Variants in FBXL17 observed in about 807,000 individuals in gnomAD.
The protein encoded by FBXL17 is F-box/LRR-repeat protein 17.
FBXL17 carries 22 observed loss-of-function variants against 66.2 expected under a neutral mutation model. The ratio of observed to expected loss-of-function variants is 0.33; its 90% confidence interval spans 0.24 to 0.47. The LOEUF is 0.47. Ranked by LOEUF, FBXL17 falls within the 20% of genes least tolerant of loss-of-function variation. The pLI, the probability that FBXL17 is intolerant of heterozygous loss-of-function variation, is 1.00. For missense variants in FBXL17, 878 were observed against 948.2 expected (o/e 0.93, Z 0.97); for synonymous variants, 474 against 400.5 (o/e 1.18, Z -2.19).
At chr5:107,970,496 T>G (rs983915715) in intron 7 of FBXL17, among the ~76,000 whole-genome samples, 2 of 152,322 alleles carry the variant, frequency 1.3e-5, no homozygotes, top group South Asian at 2.1e-4. Flanking sequence ...CTAGTGCGGT[T>G]TTCTTCTATC....
At chr5:108,058,266 T>C (rs1747786929) in intron 6 of FBXL17, among the ~76,000 whole-genome samples, 1 of 152,198 alleles carries the variant, frequency 6.6e-6, no homozygotes, top group South Asian at 2.1e-4. Flanking sequence ...TATATCTAAG[T>C]GGCAGATTTA....
At chr5:107,998,919 T>C (rs1467996420) in intron 7 of FBXL17, among the ~76,000 whole-genome samples, 1 of 152,106 alleles carries the variant, frequency 6.6e-6, no homozygotes, top group Non-Finnish European at 1.5e-5. Flanking sequence ...AAACCCCCTT[T>C]CCACTCTCAT....
At chr5:108,151,717 AT>A (rs1487005529) in intron 6 of FBXL17, among the ~76,000 whole-genome samples, 2 of 152,168 alleles carry the variant, frequency 1.3e-5, no homozygotes, top group Non-Finnish European at 2.9e-5. Flanking sequence ...TGGAAAGGCA[AT>A]TTACATAAGG....
intron 3 of FBXL17, among the ~76,000 whole-genome samples, chr5:108,362,298 T>C (rs550336621): frequency 6.6e-6 from 1 of 152,150 alleles, no homozygotes; most frequent in Non-Finnish European, 1.5e-5. Flanking sequence ...CTGAGCTCCA[T>C]GAGCTGGAGT....
rs1323369433 is a variant in FBXL17 at position 108,381,324 on chromosome 5, G to C, written c.368C>G (p.Ser123Trp). ...AAAARRFLLS[S>W]AAAAAAAAAS... ...GGCAGCGGCGGCGGCGGCGGCGGCC[G>C]AGGATAGCAGGAAGCGGCGGGCAGC... The change falls in exon 1 of 9, where the codon TCG (serine) becomes TGG (tryptophan). Residue 123 changes from serine (S) to tryptophan (W), a missense_variant. Physicochemically the swap from Ser to Trp is radical, Grantham distance 177. Around this residue, in one of 4 missense-constraint regions of FBXL17, gnomAD observed 605 missense variants for 509.5 expected, o/e 1.19. Transcript: ENST00000542267. The C allele has an allele frequency of 1.4e-6, 2 of 1,384,526 alleles. No individual in the cohort carries two copies. The highest frequency in any genetic ancestry group is 6.2e-5 in the East Asian group (2 of 32,354). The allele number at this position is 1,384,526 out of a possible 1,614,324, so 85.8% of individuals were successfully genotyped here.
intron 4 of FBXL17, among the ~76,000 whole-genome samples, chr5:108,260,459 G>A (rs1011194788): frequency 6.6e-6 from 1 of 152,046 alleles, no homozygotes; most frequent in African/African-American, 2.4e-5. Context: ...ACCTATTAAA[G>A]AAATACAACT....
chr5:108,095,260 A>G (rs939372571), intron 6 of FBXL17, among the ~76,000 whole-genome samples: 2 of 152,008 alleles, frequency 1.3e-5, no homozygotes, highest in Non-Finnish European at 2.9e-5. Flanking sequence ...AAAAAAAAAA[A>G]ATTTTACCTA....
intron 6 of FBXL17, among the ~76,000 whole-genome samples, chr5:108,143,621 G>T (rs1751445396): frequency 6.7e-6 from 1 of 148,692 alleles, no homozygotes; most frequent in South Asian, 2.1e-4. Context: ...TTGAAGCCCA[G>T]ATAGCTCCAA....
chr5:107,933,597 AC>A (rs1214238930), intron 7 of FBXL17, among the ~76,000 whole-genome samples: 2 of 152,158 alleles, frequency 1.3e-5, no homozygotes, highest in African/African-American at 4.8e-5. Context: ...CTTAAACAAT[AC>A]CCTGTTCCCT....
intron 6 of FBXL17, among the ~76,000 whole-genome samples, chr5:108,103,487 G>A (rs991249658): frequency 6.6e-6 from 1 of 152,162 alleles, no homozygotes; most frequent in African/African-American, 2.4e-5. Context: ...TATCGTCAAT[G>A]TGAACCTTTA....
intron 4 of FBXL17, among the ~76,000 whole-genome samples, chr5:108,276,321 T>G (rs115985566): frequency 6.6e-6 from 1 of 152,214 alleles, no homozygotes; most frequent in Non-Finnish European, 1.5e-5. Flanking sequence ...ACATTCATTA[T>G]AGACTGGTAA....
At chr5:108,333,236 A>G (rs1041412682) in intron 4 of FBXL17, among the ~76,000 whole-genome samples, 1 of 150,950 alleles carries the variant, frequency 6.6e-6, no homozygotes, top group African/African-American at 2.4e-5. Flanking sequence ...GTAGTCTATA[A>G]GACAAATATT....
intron 6 of FBXL17, among the ~76,000 whole-genome samples, chr5:108,119,393 G>A (rs1383546217): frequency 6.6e-6 from 1 of 152,184 alleles, no homozygotes; most frequent in Non-Finnish European, 1.5e-5. Flanking sequence ...AGGGCTATAT[G>A]AGCAGGTCAG....
intron 7 of FBXL17, among the ~76,000 whole-genome samples, chr5:107,942,192 C>T (rs1183804818): frequency 1.3e-5 from 2 of 152,136 alleles, no homozygotes; most frequent in African/African-American, 2.4e-5. Flanking sequence ...CTAACATGCC[C>T]GCACTGGTCC....
At position 108,381,516 on chromosome 5, in the gene FBXL17, C is replaced by T. The variant is rs1329843234; in HGVS notation, c.176G>A (p.Cys59Tyr). Residue 59 changes from cysteine to tyrosine, a missense_variant, in exon 1 of 9, where the codon TGC (cysteine) becomes TAC (tyrosine). By Grantham distance (194) the Cys-to-Tyr change is radical. Around this residue, in one of 4 missense-constraint regions of FBXL17, gnomAD observed 605 missense variants for 509.5 expected, o/e 1.19. Transcript: ENST00000542267. ...RSRDCFFRGPCMLCFIVHSPG... is the reference protein window; with the variant it reads ...RSRDCFFRGPYMLCFIVHSPG... Reference sequence around the variant, plus strand: ...ACTGTGCACGATGAAGCAGAGCATGCAGGGCCCGCGGAAGAAGCAGTCCCG... The same window carrying T: ...ACTGTGCACGATGAAGCAGAGCATGTAGGGCCCGCGGAAGAAGCAGTCCCG... 7 of 1,410,782 alleles carry T rather than the reference C, an allele frequency of 5.0e-6. No homozygotes were observed. The highest frequency in any genetic ancestry group is 6.4e-6 in the Non-Finnish European group (7 of 1,092,260). The allele number at this position is 1,410,782 out of a possible 1,614,324, so 87.4% of individuals were successfully genotyped here.
intron 8 of FBXL17, among the ~76,000 whole-genome samples, chr5:107,868,516 C>T (rs375593828): frequency 3.9e-5 from 6 of 152,206 alleles, no homozygotes; most frequent in Admixed American, 1.3e-4. Context: ...ATAGGCCATC[C>T]GTGACTACGC....
chr5:108,241,193 G>A (rs779253195), intron 4 of FBXL17, among the ~76,000 whole-genome samples: 1 of 152,168 alleles, frequency 6.6e-6, no homozygotes, highest in African/African-American at 2.4e-5. Context: ...ACAGAGATAC[G>A]TGACCTTTCA....
chr5:108,294,117 T>C (rs1035253322), intron 4 of FBXL17, among the ~76,000 whole-genome samples: 18 of 141,942 alleles, frequency 1.3e-4, no homozygotes, highest in South Asian at 2.2e-4. Flanking sequence ...AAAGCAGACA[T>C]GATATTAAAA....
intron 5 of FBXL17, among the ~76,000 whole-genome samples, chr5:108,206,892 G>T (rs1160561227): frequency 1.3e-5 from 2 of 152,140 alleles, no homozygotes; most frequent in Non-Finnish European, 2.9e-5. Flanking sequence ...GTCGTGAAAT[G>T]ACTGTATCAT....
Sources: gnomAD v4.1 joint callset for allele counts (sites outside exome capture counted in the v4.1 genomes callset) on GRCh38, gnomAD v4.1.1 for gene constraint, gnomAD v4.1.1 regional missense constraint, MANE v1.5 for transcripts, NCBI Gene and HGNC (gene_info 2026-07-23, HGNC 2026-07-21) for gene names.